Variants in MAP4K5 observed in about 807,000 individuals in gnomAD.
The protein encoded by MAP4K5 is mitogen-activated protein kinase kinase kinase kinase 5.
Under a neutral mutation model 135.6 loss-of-function variants are expected in MAP4K5, and 82 were observed. The ratio of observed to expected loss-of-function variants is 0.60; its 90% CI spans 0.51 to 0.73. The LOEUF (loss-of-function observed/expected upper bound fraction) is 0.73, where lower values mean the gene tolerates loss of function less well. Among genes scored for constraint, MAP4K5 ranks in the 30% least tolerant of loss-of-function variants. MAP4K5 has a pLI of 0.00. For missense variants in MAP4K5, 907 were observed against 1,010.9 expected (o/e 0.90, Z 1.39); for synonymous variants, 347 against 335.0 (o/e 1.04, Z -0.39).
chr14:50,429,320 A>G, intron 28 of MAP4K5, 60 bp from the exon 29 acceptor site: 1 of 1,007,262 alleles, frequency 9.9e-7, no homozygotes. Context: ...CTAGAAAATA[A>G]ACATAAATTC....
At chr14:50,499,323 A>G (rs1431283800) in intron 3 of MAP4K5, among the ~76,000 whole-genome samples, 1 of 152,104 alleles carries the variant, frequency 6.6e-6, no homozygotes, top group Non-Finnish European at 1.5e-5. Context: ...AATAATACTT[A>G]TATAGAACTA....
intron 2 of MAP4K5, among the ~76,000 whole-genome samples, chr14:50,524,490 T>C (rs1451814982): frequency 6.6e-6 from 1 of 152,176 alleles, no homozygotes; most frequent in Admixed American, 6.5e-5. Flanking sequence ...AGTTTTAGTC[T>C]ACCAGGAAGA....
intron 2 of MAP4K5, among the ~76,000 whole-genome samples, chr14:50,508,185 T>C (rs1185511662): frequency 6.6e-6 from 1 of 152,166 alleles, no homozygotes; most frequent in African/African-American, 2.4e-5. Context: ...CTTTTTTTTG[T>C]TTTCCATTTC....
chr14:50,460,474 C>A (rs58859030), intron 13 of MAP4K5, among the ~76,000 whole-genome samples: 1 of 152,086 alleles, frequency 6.6e-6, no homozygotes, highest in Non-Finnish European at 1.5e-5. Flanking sequence ...ATTTACATAA[C>A]TAGTGAAAGG....
intron 31 of MAP4K5, among the ~76,000 whole-genome samples, chr14:50,424,168 TA>T (rs201625500): frequency 0.032 from 4,547 of 140,102 alleles, 157 homozygotes; most frequent in African/African-American, 0.096. Context: ...TAAAGTAAGT[TA>T]AAAAAAAAAA....
At chr14:50,523,946 T>C (rs1566694852) in intron 2 of MAP4K5, among the ~76,000 whole-genome samples, 1 of 152,202 alleles carries the variant, frequency 6.6e-6, no homozygotes, top group Non-Finnish European at 1.5e-5. Flanking sequence ...CAACTAGGAC[T>C]GGAAATAAAC....
intron 1 of MAP4K5, among the ~76,000 whole-genome samples, chr14:50,553,345 A>G (rs923039948): frequency 6.6e-6 from 1 of 152,084 alleles, no homozygotes; most frequent in Non-Finnish European, 1.5e-5. Context: ...GCCAACAAAC[A>G]TTGAAAAAAT....
At chr14:50,560,387 G>A in intron 1 of MAP4K5, 1 of 1,511,580 alleles carries the variant, frequency 6.6e-7, no homozygotes, top group Non-Finnish European at 9.0e-7. Flanking sequence ...AGGGCCAAGG[G>A]CTGCTAGGTG....
chr14:50,478,849 T>C lies in MAP4K5; in HGVS notation c.379-2543A>G, dbSNP rs141432966. Among the ~76,000 whole-genome samples the C allele has an allele frequency of 1.2e-4, 19 of 152,280 alleles. No homozygotes were observed. In the East Asian group the frequency reaches 3.1e-3, roughly 25 times the overall value. On this transcript the variant is annotated intron_variant, in intron 6 of 32. Transcript: ENST00000682126. The stretch of plus-strand genomic sequence containing the variant: ...TTTTAGGTTGACAATTTTTTTTCAG[T>C]ACTTTAAAGATTTTCCACTGTCTTC...
intron 9 of MAP4K5, among the ~76,000 whole-genome samples, chr14:50,471,546 C>G (rs1478586209): frequency 6.6e-6 from 1 of 151,880 alleles, no homozygotes; most frequent in African/African-American, 2.4e-5. Flanking sequence ...CAGTTCTTTT[C>G]AAAAACATAA....
intron 13 of MAP4K5, among the ~76,000 whole-genome samples, chr14:50,459,022 G>A (rs922328978): frequency 6.6e-6 from 1 of 152,058 alleles, no homozygotes; most frequent in African/African-American, 2.4e-5. Context: ...TGTTGCCCAG[G>A]TTGGTCTCCA....
At chr14:50,463,640 T>C (rs1013547296) in intron 12 of MAP4K5, among the ~76,000 whole-genome samples, 1 of 151,916 alleles carries the variant, frequency 6.6e-6, no homozygotes, top group Non-Finnish European at 1.5e-5. Flanking sequence ...TCCCAGCACT[T>C]TGGGAGGCTG....
chr14:50,489,842 A>G (rs1027817156), intron 3 of MAP4K5, among the ~76,000 whole-genome samples: 5 of 152,236 alleles, frequency 3.3e-5, no homozygotes, highest in African/African-American at 1.2e-4. Context: ...ATATTAGAAC[A>G]AGAGGCCATG....
chr14:50,443,958 T>A lies in MAP4K5; in HGVS notation c.1418A>T (p.Lys473Met). The change falls in exon 19 of 33, where the codon AAG (lysine) becomes ATG (methionine). Residue 473 changes from lysine (K) to methionine (M), a missense_variant. Around this residue, in one of 3 missense-constraint regions of MAP4K5, gnomAD observed 690 missense variants for 777.4 expected, o/e 0.89. Transcript: ENST00000682126. ...ACCTACAGGGAAGTCTCGTTTGTCC[T>A]TTTTTCGTGGTAACTGTGGTGCTTG... is the stretch of plus-strand genomic sequence containing the variant. ...SAQAPQLPRK[K>M]DKRDFPKPAI... The A allele has an allele frequency of 6.2e-7, 1 of 1,605,866 alleles. No individual in the cohort carries two copies. Among genetic ancestry groups the A allele is most frequent in the Non-Finnish European group, 8.5e-7 (1 of 1,175,202 alleles).
chr14:50,441,098 A>G (rs1317352854), intron 21 of MAP4K5, among the ~76,000 whole-genome samples: 1 of 152,236 alleles, frequency 6.6e-6, no homozygotes, highest in East Asian at 1.9e-4. Context: ...AGAATTAATA[A>G]GTTTAAACTG....
intron 31 of MAP4K5, among the ~76,000 whole-genome samples, chr14:50,424,391 TA>T (rs1302791654): frequency 2.0e-5 from 3 of 151,716 alleles, no homozygotes; most frequent in Non-Finnish European, 4.4e-5. Flanking sequence ...GATGAGAACA[TA>T]AACTGAAAAA....
Position 50,447,399 on chromosome 14 carries a change from T to G in MAP4K5, c.1142+15A>C, listed in dbSNP as rs1413375888. ...ATCAAATAAAATATAGTTATTAAAT[T>G]AGAAAACAACTTACTTGCCAGTATT... On this transcript the variant is annotated intron_variant, in intron 16 of 32. Transcript: ENST00000682126. The G allele has an allele frequency of 2.2e-5, 32 of 1,487,286 alleles. No homozygotes were observed. The highest frequency in any genetic ancestry group is 2.7e-5 in the Non-Finnish European group (30 of 1,096,470). 92.1% of individuals were successfully genotyped at this position (1,487,286 alleles called of 1,614,324 possible). A position where few individuals can be genotyped will look rare whatever the true frequency, so the allele number is the denominator to read the frequency against.
intron 2 of MAP4K5, among the ~76,000 whole-genome samples, chr14:50,538,021 GC>G (rs1301599523): frequency 1.3e-5 from 2 of 152,170 alleles, no homozygotes; most frequent in African/African-American, 4.8e-5. Flanking sequence ...TTTGGGAGGG[GC>G]CGGGGGCAGA....
upstream of MAP4K5, among the ~76,000 whole-genome samples, chr14:50,533,740 T>C (rs1369366760): frequency 6.6e-6 from 1 of 152,206 alleles, no homozygotes; most frequent in Non-Finnish European, 1.5e-5. Context: ...TTAATTCTGC[T>C]CTTGAGAATT....
Sources: gnomAD v4.1 joint callset for allele counts (sites outside exome capture counted in the v4.1 genomes callset) on GRCh38, gnomAD v4.1.1 for gene constraint, gnomAD v4.1.1 regional missense constraint, MANE v1.5 for transcripts, NCBI Gene and HGNC (gene_info 2026-07-23, HGNC 2026-07-21) for gene names.